SCFD1: variants seen among roughly 807,000 people sequenced by gnomAD.
SCFD1 encodes sec1 family domain containing 1.
In SCFD1, 37 loss-of-function variants were observed where a neutral mutation model predicts 103.2. The observed-to-expected ratio is 0.36, with a 90% CI of 0.28 to 0.47. The LOEUF is 0.47. Ranked by LOEUF, SCFD1 falls within the 20% of genes least tolerant of loss-of-function variation. SCFD1 has a pLI of 1.00. For synonymous variants in SCFD1, 264 were observed against 245.0 expected (o/e 1.08, Z -0.73); for missense variants, 639 against 761.2 (o/e 0.84, Z 1.89).
chr14:30,712,977 G>A (rs1000018690), intron 19 of SCFD1, among the ~76,000 whole-genome samples: 9 of 152,124 alleles, frequency 5.9e-5, no homozygotes. Flanking sequence ...ACTATTTGTT[G>A]AGCAAAGAAT....
At chr14:30,709,672 T>C (rs1318036969) in intron 19 of SCFD1, among the ~76,000 whole-genome samples, 2 of 152,204 alleles carry the variant, frequency 1.3e-5, no homozygotes, top group African/African-American at 2.4e-5. Flanking sequence ...TCTTAGACTA[T>C]ATGTGAAAAG....
rs758690195 is a variant in SCFD1 at position 30,707,991 on chromosome 14, C to A, written c.1555C>A (p.Leu519Ile). ...TCCTTCTCTTTTGCCCCTACCTAGT[C>A]TTTTATCACGAGTCATGAATACAGG... ...YGSTTTKPMG[L>I]LSRVMNTGSQ... is the part of the protein sequence containing the mutation. The change falls in exon 19 of 25, where the codon CTT becomes ATT. Residue 519 changes from leucine to isoleucine, a missense_variant and splice_region_variant. By Grantham distance (5) the Leu-to-Ile change is conservative. Coordinates refer to ENST00000458591, the MANE Select transcript of SCFD1 (RefSeq NM_016106.4). 10 of 1,611,370 alleles carry A rather than the reference C, an allele frequency of 6.2e-6. No individual in the cohort carries two copies. The highest frequency in any genetic ancestry group is 1.6e-4 in the Middle Eastern group (1 of 6,074).
intron 23 of SCFD1, among the ~76,000 whole-genome samples, chr14:30,733,630 A>T (rs191661330): frequency 9.8e-5 from 15 of 152,306 alleles, no homozygotes; most frequent in African/African-American, 3.1e-4. Flanking sequence ...CTAGTGATGA[A>T]TTCTGGGCCT....
chr14:30,670,853 A>G (rs970397893), intron 11 of SCFD1, among the ~76,000 whole-genome samples: 4 of 152,100 alleles, frequency 2.6e-5, no homozygotes, highest in African/African-American at 9.7e-5. Flanking sequence ...ATAATGAGTG[A>G]TAAAACTGCA....
chr14:30,671,911 A>T (rs1566618717), intron 11 of SCFD1, among the ~76,000 whole-genome samples: 1 of 151,902 alleles, frequency 6.6e-6, no homozygotes, highest in Non-Finnish European at 1.5e-5. Flanking sequence ...TAGTTAAGTT[A>T]TGATAGTTAC....
chr14:30,665,116 G>GA (rs199573143), intron 10 of SCFD1, among the ~76,000 whole-genome samples: 2,527 of 152,282 alleles, frequency 0.017, 93 homozygotes, highest in African/African-American at 0.057. Flanking sequence ...TGAAATGAAG[G>GA]AAAAAATGTT....
intron 4 of SCFD1, 84 bp from the exon 5 acceptor site, chr14:30,638,041 A>G: frequency 7.3e-7 from 1 of 1,369,142 alleles, no homozygotes; most frequent in Non-Finnish European, 9.5e-7. Flanking sequence ...TCTTTTAAAT[A>G]TAACTTTGCC....
intron 14 of SCFD1, among the ~76,000 whole-genome samples, chr14:30,681,847 G>A (rs1889509213): frequency 6.6e-6 from 1 of 152,090 alleles, no homozygotes; most frequent in African/African-American, 2.4e-5. Flanking sequence ...GATTTCATGT[G>A]ACTGTTTCGT....
At chr14:30,646,026 T>G (rs564672840) in intron 7 of SCFD1, among the ~76,000 whole-genome samples, 7 of 150,966 alleles carry the variant, frequency 4.6e-5, no homozygotes, top group South Asian at 4.2e-4. Flanking sequence ...TTTTTGTGTG[T>G]TTTTTTTTGT....
chr14:30,692,198 A>G (rs1856416493), intron 14 of SCFD1, among the ~76,000 whole-genome samples: 2 of 152,098 alleles, frequency 1.3e-5, no homozygotes, highest in African/African-American at 4.8e-5. Context: ...TGGTCTGTAT[A>G]CACCCCGTTC....
chr14:30,717,550 A>T (rs2139398045), intron 20 of SCFD1, among the ~76,000 whole-genome samples: 1 of 152,332 alleles, frequency 6.6e-6, no homozygotes, highest in Non-Finnish European at 1.5e-5. Flanking sequence ...AAATAATGAC[A>T]GTAATAATGA....
chr14:30,654,546 C>T (rs778469163), intron 10 of SCFD1, among the ~76,000 whole-genome samples: 1 of 152,106 alleles, frequency 6.6e-6, no homozygotes, highest in South Asian at 2.1e-4. Flanking sequence ...TGGTGGCACA[C>T]GCCTGTAATC....
chr14:30,629,888 T>G (rs2138996200), intron 2 of SCFD1, among the ~76,000 whole-genome samples: 1 of 152,166 alleles, frequency 6.6e-6, no homozygotes. Flanking sequence ...GGGACTTAAT[T>G]TTTTTTAATG....
At chr14:30,711,639 A>T (rs1404337589) in intron 19 of SCFD1, among the ~76,000 whole-genome samples, 1 of 152,156 alleles carries the variant, frequency 6.6e-6, no homozygotes, top group East Asian at 1.9e-4. Flanking sequence ...TATACAACTT[A>T]TTTGTCAGTC....
At chr14:30,650,515 A>T (rs201905696) in intron 8 of SCFD1, 50 bp from the exon 9 acceptor site, 1 of 1,094,556 alleles carries the variant, frequency 9.1e-7, no homozygotes, top group East Asian at 2.4e-5. Flanking sequence ...ATTAACCTCC[A>T]TAAAGTTATA....
chr14:30,724,376 T>C (rs1594768516), intron 23 of SCFD1, among the ~76,000 whole-genome samples: 1 of 147,940 alleles, frequency 6.8e-6, no homozygotes, highest in Non-Finnish European at 1.5e-5. Flanking sequence ...CCTCAGCCTC[T>C]CAAGTAGCTG....
At chr14:30,730,890 A>G (rs1893411096) in intron 23 of SCFD1, among the ~76,000 whole-genome samples, 2 of 151,990 alleles carry the variant, frequency 1.3e-5, no homozygotes, top group African/African-American at 4.8e-5. Context: ...TTTTGTTGCC[A>G]TTGCTTTTGG....
At chr14:30,723,149 T>C (rs1022320651) in intron 23 of SCFD1, among the ~76,000 whole-genome samples, 1 of 152,240 alleles carries the variant, frequency 6.6e-6, no homozygotes, top group Non-Finnish European at 1.5e-5. Context: ...TCTTCACTTA[T>C]TCACTTAACA....
chr14:30,717,309 CTACAAAAAA>C (rs1002685087), intron 20 of SCFD1, among the ~76,000 whole-genome samples: 1 of 152,036 alleles, frequency 6.6e-6, no homozygotes. Flanking sequence ...AACCCTGTCT[CTACAAAAAA>C]TACAAAAAAT....
Sources: allele counts gnomAD v4.1 joint callset (sites outside exome capture counted in the v4.1 genomes callset), GRCh38; gene constraint gnomAD v4.1.1; transcripts MANE v1.5; gene names NCBI Gene and HGNC (gene_info 2026-07-23, HGNC 2026-07-21).